Variants in KMT2C observed in about 807,000 individuals in gnomAD.
KMT2C encodes lysine methyltransferase 2C.
KMT2C carries 88 observed loss-of-function variants against 507.9 expected under a neutral mutation model. The observed-to-expected ratio is 0.17, with a 90% CI of 0.15 to 0.21. KMT2C has a LOEUF of 0.21. Among genes scored for constraint, KMT2C ranks in the 10% least tolerant of loss-of-function variants. The pLI is 1.00. For missense variants in KMT2C, 4,954 were observed against 5,957.8 expected, an observed-to-expected ratio of 0.83 and a Z score of 5.55; for synonymous variants, 2,049 against 2,080.8, an observed-to-expected ratio of 0.98 and a Z score of 0.42.
intron 1 of KMT2C, among the ~76,000 whole-genome samples, chr7:152,422,702 T>A (rs190770012): frequency 1.3e-5 from 2 of 152,130 alleles, no homozygotes; most frequent in African/African-American, 4.8e-5. Context: ...TTGAACCTAT[T>A]CTAAGTAGCA....
At chr7:152,367,352 C>T (rs2097255727) in intron 1 of KMT2C, 1 of 772,710 alleles carries the variant, frequency 1.3e-6, no homozygotes, top group East Asian at 2.7e-5. Context: ...AGCAGACACC[C>T]CAGGGAGCAC....
chr7:152,207,274 T>C (rs2129138416), intron 24 of KMT2C, 26 bp downstream of exon 24: 1 of 1,445,566 alleles, frequency 6.9e-7, no homozygotes, highest in Non-Finnish European at 9.4e-7. Flanking sequence ...TTGATGATAT[T>C]GAAATGTCTA....
At chr7:152,185,116 C>T (rs1369238689) in intron 34 of KMT2C, among the ~76,000 whole-genome samples, 1 of 152,090 alleles carries the variant, frequency 6.6e-6, no homozygotes, top group Non-Finnish European at 1.5e-5. Flanking sequence ...AATATAAATG[C>T]TATGTAAATC....
chr7:152,319,520 A>G lies in KMT2C; in HGVS notation c.390-4182T>C, dbSNP rs1045430522. 2.0e-5 allele frequency among the ~76,000 whole-genome samples: 3 copies of G among 152,038 alleles called. No homozygotes were observed. The East Asian group carries it at 5.8e-4, about 30-fold the overall frequency. ...TGGACCGTGGTCTAGCGGTAGCGTCAGTGTCAAGGAAAAACACCCACTACT... is the reference window on the plus strand; with the variant it reads ...TGGACCGTGGTCTAGCGGTAGCGTCGGTGTCAAGGAAAAACACCCACTACT... On this transcript the variant is annotated intron_variant, in intron 3 of 58. Transcript: ENST00000262189.
Position 152,297,036 on chromosome 7 carries a change from A to G in KMT2C, c.849+12930T>C, listed in dbSNP as rs540572056. Among the ~76,000 whole-genome samples, 6 of 101,910 alleles carry G rather than the reference A, an allele frequency of 5.9e-5. No individual in the cohort carries two copies. The South Asian group carries it at 2.1e-3, about 35-fold the overall frequency. The allele number at this position is 101,910 out of a possible 152,430, so 66.9% of individuals were successfully genotyped here. A position where few individuals can be genotyped will look rare whatever the true frequency, so the allele number is the denominator to read the frequency against. ...AAGAAAGAAAGAAAGAAAGAAAGAA[A>G]GAAAGAAAGAAAGAAAGACAGAGAG... On this transcript the variant is annotated intron_variant, in intron 6 of 58. Coordinates refer to ENST00000262189, the MANE Select transcript of KMT2C (RefSeq NM_170606.3).
At chr7:152,412,708 G>C (rs2097696150) in intron 1 of KMT2C, among the ~76,000 whole-genome samples, 1 of 152,016 alleles carries the variant, frequency 6.6e-6, no homozygotes, top group African/African-American at 2.4e-5. Context: ...AATGCACAGT[G>C]GTCTTGGATC....
chr7:152,254,628 T>TA (rs2095615328), intron 9 of KMT2C, among the ~76,000 whole-genome samples: 1 of 152,186 alleles, frequency 6.6e-6, no homozygotes, highest in African/African-American at 2.4e-5. Flanking sequence ...CATCTTATTT[T>TA]ATGGGAGAGC....
At chr7:152,158,066 G>C in intron 44 of KMT2C, 3 of 428,552 alleles carry the variant, frequency 7.0e-6, no homozygotes, top group Non-Finnish European at 1.2e-5. Flanking sequence ...AAATGCTGGA[G>C]TAAGTGAGAG....
At chr7:152,316,343 G>C (rs1264493688) in intron 3 of KMT2C, among the ~76,000 whole-genome samples, 1 of 152,138 alleles carries the variant, frequency 6.6e-6, no homozygotes, top group African/African-American at 2.4e-5. Context: ...GGAAACTGCT[G>C]GGGGTAGAGG....
chr7:152,141,021 C>T (rs777363588), intron 55 of KMT2C, among the ~76,000 whole-genome samples: 1 of 152,196 alleles, frequency 6.6e-6, no homozygotes, highest in Non-Finnish European at 1.5e-5. Context: ...AGGCAGATCC[C>T]TTGAGGTCAG....
Position 152,249,955 on chromosome 7 carries a change from TGTGA to T in KMT2C, c.1736-6_1736-3del. 1.9e-6 allele frequency: 3 copies of T among 1,599,262 alleles called. No individual in the cohort carries two copies. Among genetic ancestry groups the T allele is most frequent in the South Asian group, 1.1e-5 (1 of 90,738 alleles). The stretch of plus-strand genomic sequence containing the variant: ...GCTCTTCAGTGTGGACTTGAACCGC[TGTGA>T]GTAACACATTTATAAAATCTCTAAG... On this transcript the variant is annotated splice_polypyrimidine_tract_variant and splice_region_variant and intron_variant, in intron 12 of 58. Transcript: ENST00000262189.
At chr7:152,309,042 CTAAAAAAATTTTT>C (rs1196625925) in intron 6 of KMT2C, among the ~76,000 whole-genome samples, 1 of 152,090 alleles carries the variant, frequency 6.6e-6, no homozygotes, top group African/African-American at 2.4e-5. Flanking sequence ...GCTGACCGAA[CTAAAAAAATTTTT>C]TTAATCACTT....
At chr7:152,388,511 T>C (rs1429432156) in intron 1 of KMT2C, among the ~76,000 whole-genome samples, 2 of 152,046 alleles carry the variant, frequency 1.3e-5, no homozygotes, top group Non-Finnish European at 2.9e-5. Context: ...TAAGCCGAGA[T>C]TGTGGCACCG....
At position 152,417,840 on chromosome 7, in the gene KMT2C, C is replaced by T. The variant is rs185146700; in HGVS notation, c.161+17786G>A. Among the ~76,000 whole-genome samples, 88 of 151,744 alleles carry T rather than the reference C, an allele frequency of 5.8e-4. 1 individual carries two copies. Among genetic ancestry groups the T allele is most frequent in the Admixed American group, 1.9e-3 (29 of 15,190 alleles). ...GTATCTTTTAGTAGAGACGGGGTTT[C>T]ACCACGTTAGCCAGGATGGTCTCAA... On this transcript the variant is annotated intron_variant, in intron 1 of 58. Coordinates refer to ENST00000262189, the MANE Select transcript of KMT2C (RefSeq NM_170606.3).
At chr7:152,384,549 C>CACCACCACT (rs2097403661) in intron 1 of KMT2C, among the ~76,000 whole-genome samples, 782 of 20,098 alleles carry the variant, frequency 0.039, 103 homozygotes, top group African/African-American at 0.087. Context: ...ATGTGCATAA[C>CACCACCACT]ACCACCACCA....
At chr7:152,349,153 A>T (rs2097089494) in intron 2 of KMT2C, among the ~76,000 whole-genome samples, 1 of 152,190 alleles carries the variant, frequency 6.6e-6, no homozygotes, top group African/African-American at 2.4e-5. Context: ...ACATGAAAAG[A>T]CACGGAGGAG....
At chr7:152,174,322 T>G in intron 38 of KMT2C, 80 bp from the exon 39 acceptor site, 1 of 677,800 alleles carries the variant, frequency 1.5e-6, no homozygotes, top group South Asian at 2.1e-5. Context: ...TATTACAAGC[T>G]CTTAAATTTT....
chr7:152,330,689 T>G lies in KMT2C; in HGVS notation c.301A>C (p.Ser101Arg). 6.2e-7 allele frequency: 1 copy of G among 1,614,006 alleles called. No homozygotes were observed. Among genetic ancestry groups the G allele is most frequent in the Non-Finnish European group, 8.5e-7 (1 of 1,179,866 alleles). Residue 101 changes from serine to arginine, a missense_variant, in exon 3 of 59, where the codon AGC (serine) becomes CGC (arginine). Transcript: ENST00000262189. ...TGAAGAGTTGGAATTAGCTGTTTGCTGTTATCCACTTCTGCTTCAGCATCC... is the reference window on the plus strand; with the variant it reads ...TGAAGAGTTGGAATTAGCTGTTTGCGGTTATCCACTTCTGCTTCAGCATCC... Reference protein sequence around the residue: ...EEDAEAEVDNSKQLIPTLQRS... With the variant: ...EEDAEAEVDNRKQLIPTLQRS...
intron 27 of KMT2C, among the ~76,000 whole-genome samples, chr7:152,196,890 T>G (rs1783201384): frequency 6.6e-6 from 1 of 152,008 alleles, no homozygotes; most frequent in African/African-American, 2.4e-5. Context: ...GGCCAGAGTG[T>G]TAACAGTAAG....
Sources: allele counts gnomAD v4.1 joint callset (sites outside exome capture counted in the v4.1 genomes callset), GRCh38; gene constraint gnomAD v4.1.1; transcripts MANE v1.5; gene names NCBI Gene and HGNC (gene_info 2026-07-23, HGNC 2026-07-21).